The following PTPRD variants were observed in gnomAD, a reference collection of about 807,000 sequenced individuals.
PTPRD encodes protein tyrosine phosphatase receptor type D, also known as receptor-type tyrosine-protein phosphatase delta.
PTPRD carries 34 observed loss-of-function variants against 214.5 expected under a neutral mutation model. That is an observed-to-expected ratio of 0.16 (90% CI 0.12 to 0.21). PTPRD has a LOEUF of 0.21. PTPRD is among the 10% of genes least tolerant of loss of function. The pLI is 1.00. For missense variants in PTPRD, 2,545 were observed against 2,398.7 expected (o/e 1.06, Z -1.27); for synonymous variants, 1,128 against 845.7 (o/e 1.33, Z -5.79).
chr9:9,222,142 T>A (rs188189295), intron 9 of PTPRD, among the ~76,000 whole-genome samples: 12 of 152,218 alleles, frequency 7.9e-5, no homozygotes, highest in South Asian at 2.1e-4. Context: ...ATTAGTATTA[T>A]TTTTCTTATT....
chr9:9,233,333 C>T (rs1035513534), intron 9 of PTPRD, among the ~76,000 whole-genome samples: 1 of 152,118 alleles, frequency 6.6e-6, no homozygotes, highest in African/African-American at 2.4e-5. Context: ...GGGGTAACTG[C>T]CCCCAAGATT....
At chr9:9,186,799 C>T (rs541701325) in intron 9 of PTPRD, among the ~76,000 whole-genome samples, 1 of 151,894 alleles carries the variant, frequency 6.6e-6, no homozygotes, top group Non-Finnish European at 1.5e-5. Context: ...TCAGAAATAG[C>T]CTTTCATTTA....
chr9:8,852,016 T>G (rs2097826164), intron 11 of PTPRD, among the ~76,000 whole-genome samples: 1 of 151,380 alleles, frequency 6.6e-6, no homozygotes, highest in African/African-American at 2.4e-5. Context: ...TCATTACTAA[T>G]ACAACCCTTT....
chr9:8,979,400 A>G (rs2099293133), intron 11 of PTPRD, among the ~76,000 whole-genome samples: 1 of 152,106 alleles, frequency 6.6e-6, no homozygotes, highest in Non-Finnish European at 1.5e-5. Flanking sequence ...ACTACATCGA[A>G]CTCAGAAGTT....
At chr9:10,468,512 A>G (rs1256477367) in intron 2 of PTPRD, among the ~76,000 whole-genome samples, 1 of 152,146 alleles carries the variant, frequency 6.6e-6, no homozygotes, top group African/African-American at 2.4e-5. Context: ...GTAGGGGGCC[A>G]GGGGAGGGAT....
At chr9:9,040,579 A>C (rs1343146348) in intron 10 of PTPRD, among the ~76,000 whole-genome samples, 1 of 151,576 alleles carries the variant, frequency 6.6e-6, no homozygotes, top group African/African-American at 2.4e-5. Context: ...TTCCCGAAGA[A>C]TTTTTTTTTT....
intron 11 of PTPRD, among the ~76,000 whole-genome samples, chr9:8,786,472 C>T (rs1320656884): frequency 7.0e-6 from 1 of 143,256 alleles, no homozygotes; most frequent in Non-Finnish European, 1.5e-5. Context: ...TGCAGTGGCT[C>T]CATCTCAGCT....
rs576267426 is a variant in PTPRD at position 9,125,824 on chromosome 9, C to A, written c.-143+57480G>T. Among the ~76,000 whole-genome samples, 20 of 152,214 alleles carry A rather than the reference C, an allele frequency of 1.3e-4. No individual in the cohort carries two copies. In the South Asian group the frequency reaches 4.1e-3, roughly 32 times the overall value. On this transcript the variant is annotated intron_variant, in intron 10 of 45. Coordinates refer to ENST00000381196, the MANE Select transcript of PTPRD (RefSeq NM_002839.4). ...CACACAAACAACAAATAAAGAGTATCATCAAATAAAGACTCAATGGGGTAA... is the reference window on the plus strand; with the variant it reads ...CACACAAACAACAAATAAAGAGTATAATCAAATAAAGACTCAATGGGGTAA...
At chr9:10,514,066 C>G (rs10959136) in intron 2 of PTPRD, among the ~76,000 whole-genome samples, 54,847 of 151,954 alleles carry the variant, frequency 0.36, 10,062 homozygotes, top group Non-Finnish European at 0.38. Context: ...TTCATATCAG[C>G]TAACAAATCC....
At chr9:10,475,100 C>A (rs952359979) in intron 2 of PTPRD, among the ~76,000 whole-genome samples, 1 of 152,024 alleles carries the variant, frequency 6.6e-6, no homozygotes, top group African/African-American at 2.4e-5. Flanking sequence ...CAAACCAATT[C>A]AAAAGCTAGC....
chr9:10,501,437 T>C (rs930693741), intron 2 of PTPRD, among the ~76,000 whole-genome samples: 16 of 152,024 alleles, frequency 1.1e-4, no homozygotes, highest in African/African-American at 3.6e-4. Context: ...TATTAACCCC[T>C]TGTCAGATGG....
intron 2 of PTPRD, among the ~76,000 whole-genome samples, chr9:10,494,677 C>T (rs1374449733): frequency 6.8e-6 from 1 of 148,058 alleles, no homozygotes; most frequent in Non-Finnish European, 1.5e-5. Context: ...AATTGTAAAA[C>T]TTAAAAAAAT....
At chr9:9,268,515 C>A (rs1323275686) in intron 9 of PTPRD, among the ~76,000 whole-genome samples, 1 of 151,064 alleles carries the variant, frequency 6.6e-6, no homozygotes, top group Admixed American at 6.6e-5. Context: ...AGAAAGGAAT[C>A]TTAAAATTCA....
intron 4 of PTPRD, among the ~76,000 whole-genome samples, chr9:9,996,234 G>A (rs1016523770): frequency 1.1e-4 from 16 of 152,062 alleles, no homozygotes; most frequent in African/African-American, 3.9e-4. Flanking sequence ...AACTTAAGTT[G>A]GGAGTTACTC....
intron 35 of PTPRD, among the ~76,000 whole-genome samples, chr9:8,433,273 A>G (rs928155393): frequency 6.6e-5 from 10 of 152,240 alleles, no homozygotes; most frequent in African/African-American, 2.4e-4. Flanking sequence ...TTATTCTGCT[A>G]CCAGTCACAT....
chr9:8,930,492 G>A (rs192640575), intron 11 of PTPRD, among the ~76,000 whole-genome samples: 1 of 152,204 alleles, frequency 6.6e-6, no homozygotes, highest in East Asian at 1.9e-4. Context: ...TGGGATGGCT[G>A]GGTCAAATGG....
intron 10 of PTPRD, among the ~76,000 whole-genome samples, chr9:9,047,318 C>T (rs10977454): frequency 0.17 from 25,298 of 151,796 alleles, 2,418 homozygotes; most frequent in East Asian, 0.44. Flanking sequence ...TCTTAAAATG[C>T]GCATACTACC....
chr9:8,517,759 C>T, intron 21 of PTPRD, 89 bp downstream of exon 21: 8 of 1,123,686 alleles, frequency 7.1e-6, no homozygotes, highest in South Asian at 1.6e-5. Flanking sequence ...AAATTCATAC[C>T]ATCTTTGTTC....
At chr9:10,573,611 A>T (rs2068176453) in intron 2 of PTPRD, among the ~76,000 whole-genome samples, 1 of 152,144 alleles carries the variant, frequency 6.6e-6, no homozygotes, top group African/African-American at 2.4e-5. Context: ...AGATGGAGAG[A>T]AGACACAGAT....
Sources: gnomAD v4.1 joint callset for allele counts (sites outside exome capture counted in the v4.1 genomes callset) on GRCh38, gnomAD v4.1.1 for gene constraint, MANE v1.5 for transcripts, NCBI Gene and HGNC (gene_info 2026-07-23, HGNC 2026-07-21) for gene names.